The following SPSB4 variants were observed in gnomAD, a reference collection of about 807,000 sequenced individuals.
SPSB4 encodes the protein SPRY domain-containing SOCS box protein 4.
In SPSB4, 21 loss-of-function variants were observed where a neutral mutation model predicts 20.9. The ratio of observed to expected loss-of-function variants is 1.01; its 90% CI spans 0.71 to 1.45. SPSB4 has a LOEUF of 1.45. Ranked by LOEUF, SPSB4 falls within the 40% of genes most tolerant of loss-of-function variation. The probability of loss-of-function intolerance (pLI) is 0.00; values close to 1 mark genes in which losing one functional copy is unlikely to be tolerated. For synonymous variants in SPSB4, 207 were observed against 183.8 expected, an observed-to-expected ratio of 1.13 and a Z score of -1.02; for missense variants, 399 against 399.2, an observed-to-expected ratio of 1.00 and a Z score of 0.00.
At chr3:141,142,708 T>C (rs1939350830) in intron 2 of SPSB4, among the ~76,000 whole-genome samples, 1 of 151,948 alleles carries the variant, frequency 6.6e-6, no homozygotes, top group Non-Finnish European at 1.5e-5. Context: ...GTTTTATAAA[T>C]TTGGGAGCTC....
chr3:141,135,284 C>T (rs1037119406), intron 2 of SPSB4, among the ~76,000 whole-genome samples: 8 of 151,078 alleles, frequency 5.3e-5, no homozygotes, highest in East Asian at 1.9e-4. Flanking sequence ...ATTAATATAC[C>T]GTAATTTATT....
chr3:141,080,277 G>A (rs1229965111), intron 2 of SPSB4: 1 of 152,204 alleles, frequency 6.6e-6, no homozygotes, highest in Non-Finnish European at 1.5e-5. Context: ...TTTCCGTCTT[G>A]CCATTGCTCC....
At chr3:141,135,032 C>G (rs1374196693) in intron 2 of SPSB4, among the ~76,000 whole-genome samples, 1 of 152,028 alleles carries the variant, frequency 6.6e-6, no homozygotes, top group Admixed American at 6.6e-5. Context: ...ATTCCCAGCA[C>G]TGGAACAGGG....
At chr3:141,076,013 C>T (rs1264974844) in intron 2 of SPSB4, among the ~76,000 whole-genome samples, 1 of 151,864 alleles carries the variant, frequency 6.6e-6, no homozygotes, top group Non-Finnish European at 1.5e-5. Context: ...GAGCTGAGAT[C>T]GAGCCACTGC....
chr3:141,129,447 G>A (rs1450971826), intron 2 of SPSB4, among the ~76,000 whole-genome samples: 3 of 152,162 alleles, frequency 2.0e-5, no homozygotes, highest in Non-Finnish European at 4.4e-5. Context: ...CACATCCCTG[G>A]TATACAAGGC....
chr3:141,143,936 C>A (rs138979399), intron 2 of SPSB4, among the ~76,000 whole-genome samples: 2,224 of 152,200 alleles, frequency 0.015, 24 homozygotes, highest in Non-Finnish European at 0.023. Context: ...TGTAAGTAGA[C>A]AATAAAAAGT....
intron 2 of SPSB4, among the ~76,000 whole-genome samples, chr3:141,088,525 C>T (rs1938392948): frequency 1.3e-5 from 2 of 152,356 alleles, no homozygotes; most frequent in Admixed American, 1.3e-4. Flanking sequence ...GGGCATCAGT[C>T]AGTTTTGCTT....
intron 2 of SPSB4, among the ~76,000 whole-genome samples, chr3:141,102,815 A>G (rs958028087): frequency 1.2e-4 from 19 of 152,166 alleles, no homozygotes; most frequent in Non-Finnish European, 1.9e-4. Flanking sequence ...CTGGAGGTCA[A>G]TGCGGTTGCT....
At chr3:141,071,599 G>A (rs1938005240) in intron 2 of SPSB4, among the ~76,000 whole-genome samples, 1 of 152,162 alleles carries the variant, frequency 6.6e-6, no homozygotes, top group Non-Finnish European at 1.5e-5. Context: ...CACACAGCTA[G>A]CAAATGACAC....
chr3:141,086,341 A>G (rs1938338936), intron 2 of SPSB4, among the ~76,000 whole-genome samples: 1 of 152,200 alleles, frequency 6.6e-6, no homozygotes, highest in Non-Finnish European at 1.5e-5. Context: ...GTTTATGTTC[A>G]AACTGCCTGG....
At chr3:141,101,865 C>T (rs1376897045) in intron 2 of SPSB4, among the ~76,000 whole-genome samples, 3 of 152,188 alleles carry the variant, frequency 2.0e-5, no homozygotes, top group African/African-American at 7.2e-5. Context: ...AGCCCTTGCT[C>T]ACTGGAGACT....
chr3:141,054,882 A>T (rs1937610689), intron 1 of SPSB4, among the ~76,000 whole-genome samples: 1 of 151,998 alleles, frequency 6.6e-6, no homozygotes, highest in Admixed American at 6.5e-5. Flanking sequence ...GGAGAATGGC[A>T]TGAACCTGGG....
intron 1 of SPSB4, among the ~76,000 whole-genome samples, chr3:141,058,845 T>C (rs1937708416): frequency 6.6e-6 from 1 of 152,134 alleles, no homozygotes; most frequent in African/African-American, 2.4e-5. Flanking sequence ...ACTATGATAG[T>C]GGCATTACTG....
intron 2 of SPSB4, among the ~76,000 whole-genome samples, chr3:141,085,238 G>A (rs1938317177): frequency 6.6e-6 from 1 of 152,164 alleles, no homozygotes; most frequent in Non-Finnish European, 1.5e-5. Flanking sequence ...AAAATGAGGA[G>A]TTGGAACTGT....
intron 2 of SPSB4, among the ~76,000 whole-genome samples, chr3:141,093,254 A>G (rs1938489023): frequency 6.6e-6 from 1 of 151,742 alleles, no homozygotes; most frequent in Admixed American, 6.6e-5. Context: ...AAACCTAAAA[A>G]TGCCAGCTGA....
chr3:141,139,034 A>T (rs752976447), intron 2 of SPSB4, among the ~76,000 whole-genome samples: 3 of 152,164 alleles, frequency 2.0e-5, no homozygotes, highest in Non-Finnish European at 4.4e-5. Context: ...TTGGGTGCAT[A>T]TATATTTAGG....
intron 2 of SPSB4, among the ~76,000 whole-genome samples, chr3:141,120,210 A>G (rs1938945225): frequency 6.6e-6 from 1 of 152,118 alleles, no homozygotes; most frequent in South Asian, 2.1e-4. Flanking sequence ...TTCAGTTTCC[A>G]TGTAGTTTTG....
At chr3:141,095,177 C>T (rs62283588) in intron 2 of SPSB4, among the ~76,000 whole-genome samples, 15,943 of 152,120 alleles carry the variant, frequency 0.1, 937 homozygotes, top group Middle Eastern at 0.15. Context: ...AGAAAGGTGC[C>T]TGCGTCCTAG....
rs148633666 is a variant in SPSB4, at chr3:141,111,997, A to G, written c.695-35145A>G. On this transcript the variant is annotated intron_variant, in intron 2 of 2. Coordinates refer to ENST00000310546, the MANE Select transcript of SPSB4 (RefSeq NM_080862.3). ...TAGACTGGAGTTCTGCATAAATTTC[A>G]TTTGGCAAAGGGTTCTGCTGTTTGG... Among the ~76,000 whole-genome samples, 179 of 152,182 alleles carry G rather than the reference A, an allele frequency of 1.2e-3. 1 individual carries two copies. Among genetic ancestry groups the G allele is most frequent in the African/African-American group, 4.0e-3 (168 of 41,520 alleles).
Sources: allele counts gnomAD v4.1 joint callset (sites outside exome capture counted in the v4.1 genomes callset), GRCh38; gene constraint gnomAD v4.1.1; transcripts MANE v1.5; gene names NCBI Gene and HGNC (gene_info 2026-07-23, HGNC 2026-07-21).